ARAP2: variants seen among roughly 807,000 people sequenced by gnomAD.
ARAP2 encodes arf-GAP with Rho-GAP domain, ANK repeat and PH domain-containing protein 2.
In ARAP2, 148 loss-of-function variants were observed where a neutral mutation model predicts 194.5. That is an observed-to-expected ratio of 0.76 (90% CI 0.67 to 0.87). ARAP2 has a LOEUF of 0.87. ARAP2 is among the 40% of genes least tolerant of loss of function. The probability of loss-of-function intolerance (pLI) is 0.00; values close to 1 mark genes in which losing one functional copy is unlikely to be tolerated. For missense variants in ARAP2, 2,128 were observed against 1,989.7 expected (o/e 1.07, Z -1.32); for synonymous variants, 695 against 683.5 (o/e 1.02, Z -0.26).
chr4:36,189,093 TG>T (rs1242243394), intron 7 of ARAP2, among the ~76,000 whole-genome samples: 1 of 152,148 alleles, frequency 6.6e-6, no homozygotes, highest in Non-Finnish European at 1.5e-5. Flanking sequence ...CAGCCAAAAC[TG>T]AGTATGGCAA....
chr4:36,212,613 C>T, intron 4 of ARAP2, 126 bp from the exon 5 acceptor site: 1 of 557,054 alleles, frequency 1.8e-6, no homozygotes, highest in Non-Finnish European at 3.1e-6. Flanking sequence ...TTAAATAAGT[C>T]TAATTACTTA....
chr4:36,082,186 A>C, intron 30 of ARAP2, 65 bp downstream of exon 30: 1 of 1,453,358 alleles, frequency 6.9e-7, no homozygotes, highest in Non-Finnish European at 9.5e-7. Context: ...CAATTACTGA[A>C]ATTATTCTTT....
intron 5 of ARAP2, among the ~76,000 whole-genome samples, chr4:36,042,865 C>G (rs1456214658): frequency 7.0e-6 from 1 of 142,702 alleles, no homozygotes; most frequent in African/African-American, 2.6e-5. Context: ...TTTTTTCAAA[C>G]AGGGTTTCAC....
intron 4 of ARAP2, among the ~76,000 whole-genome samples, chr4:36,046,541 A>C (rs1049644887): frequency 3.9e-5 from 6 of 152,092 alleles, no homozygotes; most frequent in African/African-American, 1.4e-4. Context: ...AATGGGCATA[A>C]AATTCCTATA....
chr4:36,071,693 A>ATTTTTTTTTTTTTTT (rs55918222), intron 32 of ARAP2, among the ~76,000 whole-genome samples: 1 of 147,128 alleles, frequency 6.8e-6, no homozygotes. Context: ...TTTTTTTTTA[A>ATTTTTTTTTTTTTTT]TTTTTTTTCT....
At position 36,244,477 on chromosome 4, in the gene ARAP2, C is replaced by G. The variant is rs1298209935; in HGVS notation, c.-458G>C. On this transcript the variant is annotated 5_prime_UTR_variant, in exon 1 of 33. Transcript: ENST00000303965. ...CCGAGCCCGGCGCCCGCGCCTTGCTCAGGTGCTCCCGCGCCTCGCCTCGGC... is the reference window on the plus strand; with the variant it reads ...CCGAGCCCGGCGCCCGCGCCTTGCTGAGGTGCTCCCGCGCCTCGCCTCGGC... 6.6e-6 allele frequency: 1 copy of G among 150,792 alleles called. No homozygotes were observed. The highest frequency in any genetic ancestry group is 1.5e-5 in the Non-Finnish European group (1 of 67,524). The allele number at this position is 150,792 out of a possible 1,614,324, so 9.3% of individuals were successfully genotyped here.
intron 26 of ARAP2, among the ~76,000 whole-genome samples, chr4:36,109,995 C>T (rs900273995): frequency 2.0e-5 from 3 of 151,662 alleles, no homozygotes; most frequent in African/African-American, 7.3e-5. Context: ...CACTTTCAAA[C>T]TTCACAATAA....
intron 28 of ARAP2, among the ~76,000 whole-genome samples, chr4:36,083,792 T>C (rs936227749): frequency 1.3e-5 from 2 of 152,134 alleles, no homozygotes; most frequent in African/African-American, 4.8e-5. Flanking sequence ...CTTGATTAAA[T>C]TGAAGGATGC....
At chr4:36,071,781 T>C (rs1727013412) in intron 32 of ARAP2, among the ~76,000 whole-genome samples, 1 of 151,454 alleles carries the variant, frequency 6.6e-6, no homozygotes, top group African/African-American at 2.4e-5. Context: ...ACATGTGCCA[T>C]GCTGGTGCGC....
At chr4:36,091,404 G>A (rs1446745028) in intron 28 of ARAP2, among the ~76,000 whole-genome samples, 25 of 151,726 alleles carry the variant, frequency 1.6e-4, no homozygotes, top group South Asian at 2.1e-4. Context: ...TAAATTAGAC[G>A]GAATATATCA....
At chr4:36,164,078 T>C (rs1336678077) in intron 11 of ARAP2, among the ~76,000 whole-genome samples, 3 of 152,160 alleles carry the variant, frequency 2.0e-5, no homozygotes, top group African/African-American at 4.8e-5. Flanking sequence ...TAGTCCAACA[T>C]TTGTCTCATT....
chr4:36,098,878 ACT>A (rs1458796750), intron 27 of ARAP2, among the ~76,000 whole-genome samples: 2 of 151,814 alleles, frequency 1.3e-5, no homozygotes, highest in East Asian at 1.9e-4. Context: ...TCATAATTTA[ACT>A]CTTTTTTTTA....
In ARAP2 at chr4:36,068,122, TG is replaced by T; in HGVS notation, c.4899del (p.Phe1633LeufsTer22). ...LRNRPRKHRS[F>X]NCLEDTEPEA... ...TCAGGCTCTGTGTCCTCCAGGCAGTTGAAACTCCGATGTTTTCGGGGTCGAT... is the reference window on the plus strand; with the variant it reads ...TCAGGCTCTGTGTCCTCCAGGCAGTTAAACTCCGATGTTTTCGGGGTCGAT... On this transcript the variant is annotated frameshift_variant, in exon 33 of 33. Transcript: ENST00000303965. LOFTEE classifies it low-confidence loss of function (END_TRUNC). 6.2e-7 allele frequency: 1 copy of T among 1,614,112 alleles called. No individual in the cohort carries two copies. The highest frequency in any genetic ancestry group is 8.5e-7 in the Non-Finnish European group (1 of 1,179,972).
intron 27 of ARAP2, among the ~76,000 whole-genome samples, chr4:36,096,254 A>G (rs1715190228): frequency 6.6e-6 from 1 of 151,248 alleles, no homozygotes; most frequent in African/African-American, 2.4e-5. Flanking sequence ...AGTACCAGCT[A>G]CTCAGGAGGC....
rs10551786 is a variant in ARAP2 at position 36,136,932 on chromosome 4, GCACACACA to G, written c.3264-3551_3264-3544del. Reference sequence around the variant, plus strand: ...TGGACACACACATACACGCGCGCGCGCACACACACACACACACACACACACATATACAC... The same window carrying G: ...TGGACACACACATACACGCGCGCGCGCACACACACACACACACATATACAC... On this transcript the variant is annotated intron_variant, in intron 19 of 32. Transcript: ENST00000303965. 2.9e-3 allele frequency among the ~76,000 whole-genome samples: 434 copies of G among 149,432 alleles called. 2 individuals carry two copies. The highest frequency in any genetic ancestry group is 0.01 in the African/African-American group (410 of 40,588).
chr4:36,104,460 C>T (rs1316478959), intron 27 of ARAP2, among the ~76,000 whole-genome samples: 1 of 151,736 alleles, frequency 6.6e-6, no homozygotes, highest in African/African-American at 2.4e-5. Context: ...AGTAGGTAGT[C>T]GTTGTGATTG....
intron 25 of ARAP2, among the ~76,000 whole-genome samples, chr4:36,114,825 A>G (rs1266138563): frequency 6.6e-6 from 1 of 152,016 alleles, no homozygotes; most frequent in Non-Finnish European, 1.5e-5. Context: ...CAGATGTCAG[A>G]GTCTGCAATG....
intron 8 of ARAP2, among the ~76,000 whole-genome samples, chr4:36,184,193 TTTA>T (rs1433427574): frequency 6.6e-6 from 1 of 152,074 alleles, no homozygotes; most frequent in Non-Finnish European, 1.5e-5. Context: ...TTAATAACAC[TTTA>T]TTAAGTGTAT....
intron 28 of ARAP2, among the ~76,000 whole-genome samples, chr4:36,088,250 G>A (rs147685073): frequency 1.3e-4 from 20 of 152,172 alleles, no homozygotes; most frequent in Admixed American, 6.6e-5. Flanking sequence ...TGCAAGGACC[G>A]TGATTAAAGA....
Sources: gnomAD v4.1 joint callset for allele counts (sites outside exome capture counted in the v4.1 genomes callset) on GRCh38, gnomAD v4.1.1 for gene constraint, MANE v1.5 for transcripts, NCBI Gene and HGNC (gene_info 2026-07-23, HGNC 2026-07-21) for gene names.